WDR72: variants seen among roughly 807,000 people sequenced by gnomAD.
WDR72 encodes WD repeat domain 72.
Under a neutral mutation model 124.2 loss-of-function variants are expected in WDR72, and 120 were observed. The observed-to-expected ratio is 0.97, with a 90% confidence interval of 0.83 to 1.12. The LOEUF is 1.12. Ranked by LOEUF, WDR72 falls within the 50% of genes most tolerant of loss-of-function variation. WDR72 has a pLI of 0.00. For missense variants in WDR72, 1,387 were observed against 1,278.8 expected (o/e 1.08, Z -1.29); for synonymous variants, 452 against 441.7 (o/e 1.02, Z -0.29).
At chr15:53,757,989 CTCT>C (rs2018957270) in intron 1 of WDR72, among the ~76,000 whole-genome samples, 2 of 151,336 alleles carry the variant, frequency 1.3e-5, no homozygotes, top group Non-Finnish European at 2.9e-5. Flanking sequence ...CTCTCTCTCT[CTCT>C]CTCTCTCTCT....
intron 18 of WDR72, among the ~76,000 whole-genome samples, chr15:53,552,172 G>A (rs1893758872): frequency 1.3e-5 from 2 of 151,830 alleles, no homozygotes; most frequent in African/African-American, 4.8e-5. Flanking sequence ...GTACTAGTAT[G>A]TATAAATACT....
chr15:53,663,080 C>A (rs192144496), intron 14 of WDR72, among the ~76,000 whole-genome samples: 2 of 144,542 alleles, frequency 1.4e-5, no homozygotes, highest in East Asian at 2.2e-4. Flanking sequence ...AAAAATAAGA[C>A]CCTGCCTCTA....
chr15:53,744,190 G>C (rs2140885019), intron 1 of WDR72, among the ~76,000 whole-genome samples: 1 of 152,202 alleles, frequency 6.6e-6, no homozygotes, highest in South Asian at 2.1e-4. Flanking sequence ...TACATAATGA[G>C]CTATGAAGAG....
At chr15:53,577,957 G>T (rs933843941) in intron 18 of WDR72, among the ~76,000 whole-genome samples, 8 of 152,074 alleles carry the variant, frequency 5.3e-5, no homozygotes, top group African/African-American at 7.2e-5. Flanking sequence ...TAAAAATGAA[G>T]AGAATTCTAT....
rs201880794 is a variant in WDR72 at position 53,723,368 on chromosome 15, T to C, written c.154-460A>G. On this transcript the variant is annotated intron_variant, in intron 2 of 19. Coordinates refer to ENST00000360509, the MANE Select transcript of WDR72 (RefSeq NM_182758.4). ...GGAATGTAAATTGGTACAGCTATTT[T>C]TAAAAACAGTATAGAGGTTCCTCAA... 1.5e-4 allele frequency among the ~76,000 whole-genome samples: 23 copies of C among 152,270 alleles called. No individual in the cohort carries two copies. In the East Asian group the frequency reaches 4.2e-3, roughly 28 times the overall value.
chr15:53,529,163 TA>T (rs11285735), intron 18 of WDR72, among the ~76,000 whole-genome samples: 24,160 of 83,176 alleles, frequency 0.29, 2,189 homozygotes, highest in Non-Finnish European at 0.33. Context: ...TATATATATA[TA>T]TTTTTTTTTT....
At chr15:53,742,301 C>A (rs1012690838) in intron 1 of WDR72, among the ~76,000 whole-genome samples, 1 of 152,024 alleles carries the variant, frequency 6.6e-6, no homozygotes, top group Non-Finnish European at 1.5e-5. Context: ...AGGAAAAAAC[C>A]ATTTTATTAA....
At chr15:53,572,140 C>T (rs559237054) in intron 18 of WDR72, among the ~76,000 whole-genome samples, 23 of 152,182 alleles carry the variant, frequency 1.5e-4, no homozygotes, top group Non-Finnish European at 3.1e-4. Context: ...GTATAATTTG[C>T]AAATATTTTC....
intron 18 of WDR72, among the ~76,000 whole-genome samples, chr15:53,556,583 T>G (rs62005908): frequency 0.22 from 33,928 of 152,060 alleles, 3,819 homozygotes; most frequent in African/African-American, 0.25. Flanking sequence ...AATTATCTGG[T>G]GAACCCAGCC....
At chr15:53,535,048 A>T (rs1209493903) in intron 18 of WDR72, among the ~76,000 whole-genome samples, 1 of 152,152 alleles carries the variant, frequency 6.6e-6, no homozygotes, top group East Asian at 1.9e-4. Flanking sequence ...AATAAAGGAA[A>T]AAGGAAATAA....
At chr15:53,561,111 A>C (rs1461109851) in intron 18 of WDR72, among the ~76,000 whole-genome samples, 1 of 151,872 alleles carries the variant, frequency 6.6e-6, no homozygotes, top group Non-Finnish European at 1.5e-5. Flanking sequence ...TGCATTGTTC[A>C]GAACACCTGG....
At chr15:53,666,252 C>T (rs1357581627) in intron 13 of WDR72, among the ~76,000 whole-genome samples, 1 of 152,202 alleles carries the variant, frequency 6.6e-6, no homozygotes, top group Non-Finnish European at 1.5e-5. Context: ...CCTCCCTCAC[C>T]GAAGTGTCCC....
At chr15:53,691,146 C>T (rs898950160) in intron 13 of WDR72, among the ~76,000 whole-genome samples, 2 of 152,150 alleles carry the variant, frequency 1.3e-5, no homozygotes, top group African/African-American at 4.8e-5. Flanking sequence ...ACCTCCCCAG[C>T]TCAAGTGATC....
chr15:53,523,436 T>A, intron 18 of WDR72, 114 bp from the exon 19 acceptor site: 1 of 940,390 alleles, frequency 1.1e-6, no homozygotes. Flanking sequence ...AGGGACACAC[T>A]ATGTAAACAC....
chr15:53,714,597 G>T lies in WDR72; in HGVS notation c.515-87C>A, dbSNP rs2061598. 2.5e-3 allele frequency: 2,581 copies of T among 1,042,034 alleles called. 37 individuals are homozygous for T. In the African/African-American group the frequency reaches 0.037, roughly 15 times the overall value. 64.5% of individuals were successfully genotyped at this position (1,042,034 alleles called of 1,614,324 possible). On this transcript the variant is annotated intron_variant, in intron 5 of 19. Coordinates refer to ENST00000360509, the MANE Select transcript of WDR72 (RefSeq NM_182758.4). ...CATTTCACAGTCATTTAAGAATTACGCAGGGCTGTGTAGATAGAAAATTTT... is the reference window on the plus strand; with the variant it reads ...CATTTCACAGTCATTTAAGAATTACTCAGGGCTGTGTAGATAGAAAATTTT...
intron 18 of WDR72, among the ~76,000 whole-genome samples, chr15:53,538,668 T>C (rs57855113): frequency 0.25 from 37,921 of 152,004 alleles, 4,943 homozygotes; most frequent in African/African-American, 0.33. Flanking sequence ...GGTGAAAAAA[T>C]AGACTTATTT....
chr15:53,523,410 T>C (rs1891918652), intron 18 of WDR72, 88 bp from the exon 19 acceptor site: 1 of 1,246,512 alleles, frequency 8.0e-7, no homozygotes, highest in Non-Finnish European at 1.2e-6. Flanking sequence ...TTCCTTTCAG[T>C]TCCACAGATA....
chr15:53,709,163 G>C (rs976507824), intron 9 of WDR72, among the ~76,000 whole-genome samples: 7 of 152,184 alleles, frequency 4.6e-5, no homozygotes, highest in African/African-American at 1.7e-4. Context: ...GTAACTGCAA[G>C]AGAGACTAAG....
intron 18 of WDR72, among the ~76,000 whole-genome samples, chr15:53,535,168 T>A (rs531485509): frequency 1.2e-4 from 19 of 152,326 alleles, no homozygotes; most frequent in African/African-American, 4.3e-4. Flanking sequence ...GATTTTTACA[T>A]AATAGAACCA....
Sources: gnomAD v4.1 joint callset for allele counts (sites outside exome capture counted in the v4.1 genomes callset) on GRCh38, gnomAD v4.1.1 for gene constraint, MANE v1.5 for transcripts, NCBI Gene and HGNC (gene_info 2026-07-23, HGNC 2026-07-21) for gene names.